CUL3: variants seen among roughly 807,000 people sequenced by gnomAD.
CUL3 encodes cullin 3.
CUL3 carries 19 observed loss-of-function variants against 89.1 expected under a neutral mutation model. The observed-to-expected ratio is 0.21, with a 90% CI of 0.15 to 0.31. The LOEUF is 0.31. Among genes scored for constraint, CUL3 ranks in the 10% least tolerant of loss-of-function variants. CUL3 has a pLI of 1.00. For synonymous variants in CUL3, 351 were observed against 308.4 expected (o/e 1.14, Z -1.45); for missense variants, 469 against 942.3 (o/e 0.50, Z 6.58).
intron 2 of CUL3, among the ~76,000 whole-genome samples, chr2:224,553,024 A>C (rs1229776614): frequency 1.3e-5 from 2 of 152,246 alleles, no homozygotes; most frequent in Admixed American, 6.5e-5. Context: ...ACATTGTATC[A>C]GTAACATCTC....
At chr2:224,519,411 G>A (rs1451352100) in intron 3 of CUL3, among the ~76,000 whole-genome samples, 1 of 152,176 alleles carries the variant, frequency 6.6e-6, no homozygotes, top group African/African-American at 2.4e-5. Flanking sequence ...GCTGGAAGGT[G>A]TAGGCAGAAC....
chr2:224,520,469 A>AGT (rs1333302266), intron 3 of CUL3, among the ~76,000 whole-genome samples: 1 of 152,238 alleles, frequency 6.6e-6, no homozygotes, highest in Non-Finnish European at 1.5e-5. Context: ...CTATCTCACA[A>AGT]TGCTATTCCA....
At chr2:224,523,049 AAC>A (rs1212160429) in intron 3 of CUL3, among the ~76,000 whole-genome samples, 6 of 152,208 alleles carry the variant, frequency 3.9e-5, no homozygotes, top group African/African-American at 1.4e-4. Context: ...AGGGAAAAAA[AAC>A]AGTTAATCAC....
intron 1 of CUL3, among the ~76,000 whole-genome samples, chr2:224,579,108 A>G (rs932869546): frequency 2.6e-5 from 4 of 152,208 alleles, no homozygotes; most frequent in African/African-American, 9.6e-5. Flanking sequence ...CTGAACTGCT[A>G]TCTAGAAAGA....
At chr2:224,512,961 C>A (rs772175035) in intron 5 of CUL3, among the ~76,000 whole-genome samples, 1 of 152,096 alleles carries the variant, frequency 6.6e-6, no homozygotes, top group African/African-American at 2.4e-5. Flanking sequence ...ATCAAGCCCT[C>A]CTTCTTCTTA....
At chr2:224,500,751 G>C (rs1218646187) in intron 10 of CUL3, among the ~76,000 whole-genome samples, 1 of 150,342 alleles carries the variant, frequency 6.7e-6, no homozygotes, top group African/African-American at 2.5e-5. Flanking sequence ...TCAGCTTCCC[G>C]AGTAGCTGGG....
chr2:224,555,026 T>G (rs1283978160), intron 2 of CUL3, among the ~76,000 whole-genome samples: 1 of 152,202 alleles, frequency 6.6e-6, no homozygotes, highest in Non-Finnish European at 1.5e-5. Flanking sequence ...TTCCTCAGTA[T>G]ACGTTACCAA....
chr2:224,563,205 G>A (rs145808266), intron 1 of CUL3: 8 of 470,266 alleles, frequency 1.7e-5, no homozygotes, highest in African/African-American at 8.0e-5. Flanking sequence ...TCAGTATAAC[G>A]TAGCTTTCTT....
At chr2:224,552,696 T>A (rs911436844) in intron 2 of CUL3, among the ~76,000 whole-genome samples, 1 of 152,142 alleles carries the variant, frequency 6.6e-6, no homozygotes, top group Admixed American at 6.5e-5. Flanking sequence ...ATGTAAAAAT[T>A]ATATTTCCTT....
chr2:224,497,988 G>C (rs1692229603), intron 11 of CUL3, 139 bp from the exon 12 acceptor site: 2 of 651,984 alleles, frequency 3.1e-6, no homozygotes, highest in African/African-American at 3.7e-5. Context: ...GAAACTTTAG[G>C]AATCAAGTTC....
At chr2:224,551,071 T>A (rs1199237939) in intron 2 of CUL3, among the ~76,000 whole-genome samples, 2 of 151,248 alleles carry the variant, frequency 1.3e-5, no homozygotes, top group Non-Finnish European at 3.0e-5. Context: ...CCTCCAGCTT[T>A]TTTTTTTTTT....
In CUL3 at chr2:224,504,550, C is replaced by T. The variant is rs1224833970; in HGVS notation, c.1207-728G>A. Among the ~76,000 whole-genome samples, 10 of 152,206 alleles carry T rather than the reference C, an allele frequency of 6.6e-5. 1 individual carries two copies. The highest frequency in any genetic ancestry group is 6.5e-4 in the Admixed American group (10 of 15,284). ...TCTTGAACTCCCAACCTCAGGTGAT[C>T]CGCCGCCTTTGCCTCCCAAAGTGCT... On this transcript the variant is annotated intron_variant, in intron 8 of 15. Transcript: ENST00000264414.
chr2:224,584,094 A>G (rs1574714121), intron 1 of CUL3, among the ~76,000 whole-genome samples: 1 of 152,298 alleles, frequency 6.6e-6, no homozygotes, highest in Admixed American at 6.5e-5. Flanking sequence ...GTTATATCCT[A>G]TATACTAAAC....
intron 13 of CUL3, among the ~76,000 whole-genome samples, chr2:224,490,031 G>T (rs1008424541): frequency 2.6e-5 from 4 of 152,180 alleles, no homozygotes; most frequent in African/African-American, 9.7e-5. Context: ...CCATCAAAAA[G>T]TGGACAAAGG....
intron 10 of CUL3, among the ~76,000 whole-genome samples, chr2:224,501,630 A>C (rs987603285): frequency 1.3e-5 from 2 of 152,238 alleles, no homozygotes; most frequent in Non-Finnish European, 2.9e-5. Flanking sequence ...GTATCCACTA[A>C]ATGATTACTT....
intron 13 of CUL3, among the ~76,000 whole-genome samples, chr2:224,491,272 C>T (rs1691965989): frequency 2.0e-5 from 3 of 151,988 alleles, no homozygotes. Context: ...GTACATTTAC[C>T]CTTTCATATT....
chr2:224,479,421 A>T (rs1164131542), intron 14 of CUL3: 1 of 152,180 alleles, frequency 6.6e-6, no homozygotes, highest in Non-Finnish European at 1.5e-5. Flanking sequence ...TTTCCTCAGA[A>T]GTTGATGTCA....
intron 1 of CUL3, among the ~76,000 whole-genome samples, chr2:224,572,770 T>C (rs1043832069): frequency 2.0e-5 from 3 of 152,198 alleles, no homozygotes; most frequent in South Asian, 4.1e-4. Flanking sequence ...GTCTCTGCCA[T>C]GTGCAGATAC....
At chr2:224,548,302 C>A (rs1259636869) in intron 2 of CUL3, among the ~76,000 whole-genome samples, 1 of 152,180 alleles carries the variant, frequency 6.6e-6, no homozygotes, top group Admixed American at 6.5e-5. Flanking sequence ...GCTCAACAGG[C>A]GGTTTTCTGA....
Sources: gnomAD v4.1 joint callset for allele counts (sites outside exome capture counted in the v4.1 genomes callset) on GRCh38, gnomAD v4.1.1 for gene constraint, MANE v1.5 for transcripts, NCBI Gene and HGNC (gene_info 2026-07-23, HGNC 2026-07-21) for gene names.